Variants in LVRN observed in about 807,000 individuals in gnomAD.
LVRN encodes laeverin, also known as aminopeptidase Q.
Under a neutral mutation model 111.4 loss-of-function variants are expected in LVRN, and 99 were observed. The observed-to-expected ratio is 0.89, with a 90% CI of 0.76 to 1.05. The LOEUF (loss-of-function observed/expected upper bound fraction) is 1.05. Ranked by LOEUF, LVRN falls within the 50% of genes least tolerant of loss-of-function variation. The pLI, the probability that LVRN is intolerant of heterozygous loss-of-function variation, is 0.00. For missense variants in LVRN, 1,414 were observed against 1,206.8 expected, an observed-to-expected ratio of 1.17 and a Z score of -2.54; for synonymous variants, 488 against 449.5, an observed-to-expected ratio of 1.09 and a Z score of -1.08.
chr5:115,964,227 G>C (rs148991765), intron 1 of LVRN, among the ~76,000 whole-genome samples: 1 of 152,246 alleles, frequency 6.6e-6, no homozygotes, highest in Non-Finnish European at 1.5e-5. Context: ...TGGAGCATTT[G>C]CGCCGTACAC....
intron 15 of LVRN, among the ~76,000 whole-genome samples, 176 bp downstream of exon 15, chr5:116,012,644 A>G (rs7726801): frequency 0.75 from 113,775 of 152,150 alleles, 43,044 homozygotes; most frequent in East Asian, 0.96. Flanking sequence ...ACAGAAGTTA[A>G]TCGTTTGAGA....
At position 115,968,208 on chromosome 5, in the gene LVRN, A is replaced by G. The variant is rs1753243010; in HGVS notation, c.695+4896A>G. ...GTTTTTAGCCTTTACAACTGAGCAT[A>G]ATATTAAATGTAGGTTTCTGTATAT... On this transcript the variant is annotated intron_variant, in intron 1 of 19. Transcript: ENST00000357872. 1.3e-5 allele frequency among the ~76,000 whole-genome samples: 2 copies of G among 152,186 alleles called. 1 individual carries two copies. The highest frequency in any genetic ancestry group is 4.8e-5 in the African/African-American group (2 of 41,450).
At chr5:115,984,760 A>T in intron 3 of LVRN, 51 bp downstream of exon 3, 1 of 1,601,484 alleles carries the variant, frequency 6.2e-7, no homozygotes. Flanking sequence ...GCTGCAGATT[A>T]TTCATCTATT....
chr5:115,991,821 G>A (rs1747994659), intron 4 of LVRN, among the ~76,000 whole-genome samples: 1 of 152,146 alleles, frequency 6.6e-6, no homozygotes, highest in Non-Finnish European at 1.5e-5. Context: ...TGAGGTGTAT[G>A]TTCAGATCTT....
chr5:115,987,813 A>G lies in LVRN; in HGVS notation c.979A>G (p.Ile327Val). ...TCACTGCTTAACTGTTTTGATTTAGATACGCATCTGGGCCCGGAAAGATGC... is the reference window on the plus strand; with the variant it reads ...TCACTGCTTAACTGTTTTGATTTAGGTACGCATCTGGGCCCGGAAAGATGC... ...HVNRTERGKE[I>V]RIWARKDAIA... is the part of the protein sequence containing the mutation. Residue 327 changes from isoleucine to valine, a missense_variant and splice_region_variant, in exon 4 of 20, where the codon ATA becomes GTA. By Grantham distance (29) the Ile-to-Val change is conservative. Transcript: ENST00000357872. 1 of 1,611,078 alleles carries G rather than the reference A, an allele frequency of 6.2e-7. No individual in the cohort carries two copies.
Position 116,022,427 on chromosome 5 carries a change from A to G in LVRN, c.2793A>G (p.Thr931=). ...GTQSLINLIY[T]IGRTVTTDLQ... The stretch of plus-strand genomic sequence containing the variant: ...AATCATTGATTAATCTAATATATAC[A>G]ATAGGGAGAACCGTAACTACAGATT... Residue 931 remains threonine (T), a synonymous_variant, in exon 19 of 20, where the codon ACA becomes ACG. Transcript: ENST00000357872. 1.3e-6 allele frequency: 2 copies of G among 1,566,536 alleles called. No homozygotes were observed. Among genetic ancestry groups the G allele is most frequent in the Non-Finnish European group, 1.7e-6 (2 of 1,147,078 alleles).
At chr5:116,022,313 C>G (rs1455674304) in intron 18 of LVRN, 78 bp from the exon 19 acceptor site, 2 of 960,320 alleles carry the variant, frequency 2.1e-6, no homozygotes, top group East Asian at 2.4e-5. Context: ...ATACACTTGA[C>G]CTTCATCTGC....
chr5:116,014,383 G>T, intron 15 of LVRN, 37 bp from the exon 16 acceptor site: 1 of 1,483,080 alleles, frequency 6.7e-7, no homozygotes, highest in South Asian at 1.2e-5. Context: ...AGGTGGTAAT[G>T]CAAAATAAAC....
intron 5 of LVRN, among the ~76,000 whole-genome samples, chr5:115,992,775 G>T (rs575555227): frequency 6.6e-6 from 1 of 152,284 alleles, no homozygotes; most frequent in East Asian, 1.9e-4. Context: ...TTGTGTAAAT[G>T]ACAATTCATT....
chr5:116,015,135 T>C lies in LVRN; in HGVS notation c.2451-117T>C, dbSNP rs1024826974. ...GATAATTGCCTCTCTAGATTCCTAC[T>C]TTTGACCTTTATATCTGTGACTATA... On this transcript the variant is annotated intron_variant, in intron 16 of 19. Transcript: ENST00000357872. 38 of 727,356 alleles carry C rather than the reference T, an allele frequency of 5.2e-5. 1 individual carries two copies. The South Asian group carries it at 1.1e-3, about 22-fold the overall frequency. The allele number at this position is 727,356 out of a possible 1,614,324, so 45.1% of individuals were successfully genotyped here.
At position 115,976,645 on chromosome 5, in the gene LVRN, G is replaced by A. The variant is rs539476390; in HGVS notation, c.696-6642G>A. On this transcript the variant is annotated intron_variant, in intron 1 of 19. Transcript: ENST00000357872. ...TTATGTTGTTTTTATCTTTTTTTTG[G>A]AAGTTCAGAATACTTTCTAATTTCC... is the stretch of plus-strand genomic sequence containing the variant. 2.9e-4 allele frequency among the ~76,000 whole-genome samples: 44 copies of A among 151,934 alleles called. No individual in the cohort carries two copies. The Middle Eastern group carries it at 0.01, about 35-fold the overall frequency.
chr5:115,966,884 C>T (rs1353166208), intron 1 of LVRN, among the ~76,000 whole-genome samples: 1 of 152,156 alleles, frequency 6.6e-6, no homozygotes, highest in African/African-American at 2.4e-5. Context: ...ATTTGCATGT[C>T]TCCAATGACT....
At chr5:115,972,533 C>A (rs535822821) in intron 1 of LVRN, among the ~76,000 whole-genome samples, 1 of 151,572 alleles carries the variant, frequency 6.6e-6, no homozygotes, top group Non-Finnish European at 1.5e-5. Context: ...GTCATACTGT[C>A]TTGAATAAAG....
intron 6 of LVRN, among the ~76,000 whole-genome samples, chr5:115,999,039 G>A (rs1748180101): frequency 6.6e-6 from 1 of 152,086 alleles, no homozygotes; most frequent in African/African-American, 2.4e-5. Context: ...GATCATGAGG[G>A]GTTCACCTGG....
chr5:116,010,183 T>C (rs538574102), intron 13 of LVRN, among the ~76,000 whole-genome samples: 1 of 152,348 alleles, frequency 6.6e-6, no homozygotes, highest in Non-Finnish European at 1.5e-5. Context: ...AAGGTGTGCA[T>C]ACTGTTTTTC....
chr5:115,989,291 G>A (rs1747932442), intron 4 of LVRN, among the ~76,000 whole-genome samples: 1 of 152,254 alleles, frequency 6.6e-6, no homozygotes, highest in Middle Eastern at 3.4e-3. Context: ...TCCTGAGTGG[G>A]AAGGATGCTC....
intron 4 of LVRN, among the ~76,000 whole-genome samples, chr5:115,989,582 T>C (rs2195299): frequency 0.54 from 82,374 of 151,992 alleles, 22,501 homozygotes; most frequent in South Asian, 0.71. Context: ...TTTTTCTTTG[T>C]GCCTCTAGAA....
Position 116,026,050 on chromosome 5 carries a change from A to G in LVRN, c.2905A>G (p.Lys969Glu). 6.2e-7 allele frequency: 1 copy of G among 1,613,970 alleles called. No individual in the cohort carries two copies. Among genetic ancestry groups the G allele is most frequent in the Non-Finnish European group, 8.5e-7 (1 of 1,179,894 alleles). The change falls in exon 20 of 20, where the codon AAG (lysine) becomes GAG (glutamate). Residue 969 changes from lysine (K) to glutamate (E), a missense_variant. By Grantham distance (56) the Lys-to-Glu change is moderately conservative. Coordinates refer to ENST00000357872, the MANE Select transcript of LVRN (RefSeq NM_173800.5). ...AGTTCATGCCAACTTACAGACAATA[A>G]AGAATGAAAATCTGAAAAACAAGAA... ...IRVHANLQTI[K>E]NENLKNKKLS... is the part of the protein sequence containing the mutation.
At chr5:115,998,366 T>C (rs1180918723) in intron 6 of LVRN, among the ~76,000 whole-genome samples, 1 of 152,172 alleles carries the variant, frequency 6.6e-6, no homozygotes, top group Non-Finnish European at 1.5e-5. Flanking sequence ...ATTATAAAGA[T>C]GAGGTAGCAA....
Sources: allele counts gnomAD v4.1 joint callset (sites outside exome capture counted in the v4.1 genomes callset), GRCh38; gene constraint gnomAD v4.1.1; transcripts MANE v1.5; gene names NCBI Gene and HGNC (gene_info 2026-07-23, HGNC 2026-07-21).